The following ERBB4 variants were observed in gnomAD, a reference collection of about 807,000 sequenced individuals.
The protein encoded by ERBB4 is receptor tyrosine-protein kinase erbB-4.
In ERBB4, 42 loss-of-function variants were observed where a neutral mutation model predicts 158.0. That is an observed-to-expected ratio of 0.27 (90% CI 0.21 to 0.34). ERBB4 has a LOEUF of 0.34. Ranked by LOEUF, ERBB4 falls within the 10% of genes least tolerant of loss-of-function variation. ERBB4 has a pLI of 1.00. For missense variants in ERBB4, 1,333 were observed against 1,624.1 expected (o/e 0.82, Z 3.08); for synonymous variants, 583 against 558.7 (o/e 1.04, Z -0.61).
intron 20 of ERBB4, among the ~76,000 whole-genome samples, chr2:211,431,352 A>AT (rs2063745069): frequency 6.6e-6 from 1 of 152,128 alleles, no homozygotes. Flanking sequence ...TTAGATCATT[A>AT]TTTTTCCAAG....
intron 3 of ERBB4, among the ~76,000 whole-genome samples, chr2:211,929,175 A>C (rs1175600854): frequency 6.6e-6 from 1 of 151,670 alleles, no homozygotes; most frequent in Non-Finnish European, 1.5e-5. Flanking sequence ...CTAACTGCTG[A>C]CTGTGGCAGG....
intron 19 of ERBB4, among the ~76,000 whole-genome samples, chr2:211,575,961 CTG>C (rs1559311747): frequency 6.6e-6 from 1 of 152,068 alleles, no homozygotes; most frequent in African/African-American, 2.4e-5. Flanking sequence ...AAATTTGAAA[CTG>C]TGATTAATAT....
chr2:212,245,548 G>A (rs1553604334), intron 1 of ERBB4, among the ~76,000 whole-genome samples: 1 of 152,086 alleles, frequency 6.6e-6, no homozygotes, highest in Non-Finnish European at 1.5e-5. Context: ...AAATCTTCTT[G>A]CCAACACTGG....
chr2:212,223,970 C>T (rs1428083363), intron 1 of ERBB4, among the ~76,000 whole-genome samples: 1 of 151,742 alleles, frequency 6.6e-6, no homozygotes, highest in Non-Finnish European at 1.5e-5. Context: ...CATAAAACAT[C>T]TGTAATAGAT....
chr2:211,845,636 GA>G (rs2077570079), intron 3 of ERBB4, among the ~76,000 whole-genome samples: 1 of 152,182 alleles, frequency 6.6e-6, no homozygotes, highest in African/African-American at 2.4e-5. Flanking sequence ...TTGTGAATGG[GA>G]ACCTCAATCT....
At chr2:212,227,675 A>G (rs2083519192) in intron 1 of ERBB4, among the ~76,000 whole-genome samples, 1 of 152,198 alleles carries the variant, frequency 6.6e-6, no homozygotes, top group African/African-American at 2.4e-5. Flanking sequence ...CATTATAAGT[A>G]ATCAAGTCTT....
At chr2:212,095,946 G>GAAAAA (rs35084866) in intron 2 of ERBB4, among the ~76,000 whole-genome samples, 12 of 130,156 alleles carry the variant, frequency 9.2e-5, no homozygotes, top group Admixed American at 1.6e-4. Flanking sequence ...AAAAAAAAAA[G>GAAAAA]AAAAAAAAAA....
At chr2:212,074,128 T>C (rs2078207286) in intron 2 of ERBB4, among the ~76,000 whole-genome samples, 1 of 151,988 alleles carries the variant, frequency 6.6e-6, no homozygotes, top group Non-Finnish European at 1.5e-5. Context: ...CTGCCAAAAC[T>C]TAGCTTGGCT....
At chr2:212,337,726 A>C (rs1458057896) in intron 1 of ERBB4, among the ~76,000 whole-genome samples, 2 of 152,090 alleles carry the variant, frequency 1.3e-5, no homozygotes, top group Non-Finnish European at 2.9e-5. Flanking sequence ...CTTAAGCAAG[A>C]AGTTTCAACA....
rs566055511 is a variant in ERBB4, at chr2:212,530,655, T to A, written c.82+7794A>T. Among the ~76,000 whole-genome samples the A allele has an allele frequency of 1.4e-3, 215 of 152,268 alleles. 4 individuals are homozygous for A. The highest frequency in any genetic ancestry group is 0.01 in the Middle Eastern group (3 of 294). On this transcript the variant is annotated intron_variant, in intron 1 of 27. Coordinates refer to ENST00000342788, the MANE Select transcript of ERBB4 (RefSeq NM_005235.3). ...AATTATTTTCAGTCCTAACCAGCCATGAGATAACCCCAGCAGAGGAGAGAA... is the reference window on the plus strand; with the variant it reads ...AATTATTTTCAGTCCTAACCAGCCAAGAGATAACCCCAGCAGAGGAGAGAA...
intron 19 of ERBB4, among the ~76,000 whole-genome samples, chr2:211,607,701 A>G (rs1238020435): frequency 6.6e-6 from 1 of 152,100 alleles, no homozygotes; most frequent in Non-Finnish European, 1.5e-5. Context: ...AGGAGATGCA[A>G]TAGCATTTTT....
At chr2:211,406,635 G>A (rs1033405078) in intron 25 of ERBB4, among the ~76,000 whole-genome samples, 1 of 152,122 alleles carries the variant, frequency 6.6e-6, no homozygotes, top group Non-Finnish European at 1.5e-5. Flanking sequence ...AAACAGTGCA[G>A]CCTCAAGGGA....
chr2:211,838,093 T>A (rs1398016502), intron 3 of ERBB4, among the ~76,000 whole-genome samples: 1 of 151,926 alleles, frequency 6.6e-6, no homozygotes, highest in Non-Finnish European at 1.5e-5. Flanking sequence ...AAAGTAGGAG[T>A]ACCAGAGTGC....
intron 4 of ERBB4, among the ~76,000 whole-genome samples, chr2:211,772,836 CACATAT>C (rs1162689578): frequency 5.5e-4 from 4 of 7,246 alleles, no homozygotes; most frequent in African/African-American, 8.6e-4. Context: ...TATATATATA[CACATAT>C]ATATATATAT....
chr2:211,996,070 T>G (rs547152386), intron 2 of ERBB4, among the ~76,000 whole-genome samples: 1 of 152,244 alleles, frequency 6.6e-6, no homozygotes, highest in African/African-American at 2.4e-5. Context: ...AAAGGATATG[T>G]TCATTCTACA....
At chr2:212,135,231 A>G (rs1050546060) in intron 1 of ERBB4, among the ~76,000 whole-genome samples, 7 of 152,194 alleles carry the variant, frequency 4.6e-5, no homozygotes, top group Non-Finnish European at 8.8e-5. Flanking sequence ...AAGTGCAGCT[A>G]CTATATAGTG....
chr2:211,716,533 G>C (rs2073914196), intron 7 of ERBB4, among the ~76,000 whole-genome samples: 1 of 149,770 alleles, frequency 6.7e-6, no homozygotes, highest in Admixed American at 6.6e-5. Flanking sequence ...AAAATTAGCC[G>C]GGCCTGGTGG....
intron 3 of ERBB4, among the ~76,000 whole-genome samples, chr2:211,817,981 T>C (rs57038689): frequency 0.13 from 19,418 of 152,156 alleles, 1,514 homozygotes; most frequent in African/African-American, 0.22. Flanking sequence ...ACTCATATCT[T>C]GTTAAAGTTA....
chr2:211,810,231 G>A (rs1003120854), intron 3 of ERBB4, among the ~76,000 whole-genome samples: 92 of 152,324 alleles, frequency 6.0e-4, no homozygotes, highest in African/African-American at 2.2e-3. Context: ...CTGAGTTCAT[G>A]TCCTGGATAT....
Sources: gnomAD v4.1 joint callset for allele counts (sites outside exome capture counted in the v4.1 genomes callset) on GRCh38, gnomAD v4.1.1 for gene constraint, MANE v1.5 for transcripts, NCBI Gene and HGNC (gene_info 2026-07-23, HGNC 2026-07-21) for gene names.